ESPL1: variants seen among roughly 807,000 people sequenced by gnomAD.
The protein encoded by ESPL1 is extra spindle pole bodies like 1, separase, also known as separin.
A neutral mutation model predicts 217.2 loss-of-function variants in ESPL1; 50 were observed. That is an observed-to-expected ratio of 0.23 (90% CI 0.18 to 0.29). ESPL1 has a LOEUF of 0.29. ESPL1 is among the 10% of genes least tolerant of loss of function. The pLI is 1.00. For synonymous variants in ESPL1, 994 were observed against 1,081.3 expected, an observed-to-expected ratio of 0.92 and a Z score of 1.58; for missense variants, 1,834 against 2,603.0, an observed-to-expected ratio of 0.70 and a Z score of 6.43.
In ESPL1 at chr12:53,292,872, G is replaced by T; in HGVS notation, c.6063G>T (p.Arg2021=). Residue 2021 remains arginine, a synonymous_variant, in exon 30 of 31, where the codon CGG becomes CGT. Coordinates refer to ENST00000257934, the MANE Select transcript of ESPL1 (RefSeq NM_012291.5). The surrounding 1 kb of genome is among the most constrained non-coding windows in gnomAD (Gnocchi z 4.5). ...DGQAVLRLSC[R]AVALLFGCSS... is the part of the protein sequence containing the mutation. ...AGGCTGTCCTGCGGCTGAGCTGTCGGGCAGTGGCCCTGCTGTTTGGCTGTA... is the reference window on the plus strand; with the variant it reads ...AGGCTGTCCTGCGGCTGAGCTGTCGTGCAGTGGCCCTGCTGTTTGGCTGTA... 1 of 1,613,284 alleles carries T rather than the reference G, an allele frequency of 6.2e-7. No homozygotes were observed.
chr12:53,272,800 C>G lies in ESPL1; in HGVS notation c.1449C>G (p.Leu483=), dbSNP rs775845150. 7 of 1,614,036 alleles carry G rather than the reference C, an allele frequency of 4.3e-6. No homozygotes were observed. In the Admixed American group the frequency reaches 5.0e-5, roughly 12 times the overall value. The change falls in exon 6 of 31, where the codon CTC becomes CTG. Residue 483 remains leucine, a synonymous_variant. Coordinates refer to ENST00000257934, the MANE Select transcript of ESPL1 (RefSeq NM_012291.5). ...YAEACAISEP[L]CQHLGLVKPG... ...AGGCCTGTGCCATCTCTGAGCCGCT[C>G]TGTCAGCACCTGGGTTTGGTGAAGC...
At chr12:53,272,619 T>C (rs1236119244) in intron 5 of ESPL1, 102 bp from the exon 6 acceptor site, 3 of 1,376,088 alleles carry the variant, frequency 2.2e-6, no homozygotes, top group Non-Finnish European at 3.0e-6. Context: ...ATCTGGAAGC[T>C]GCTGAACTGA....
rs1293979491 is a variant in ESPL1 at position 53,293,375 on chromosome 12, C to T, written c.6264C>T (p.Pro2088=). The change falls in exon 31 of 31, where the codon CCC becomes CCT. Residue 2088 remains proline (P), a synonymous_variant. Coordinates refer to ENST00000257934, the MANE Select transcript of ESPL1 (RefSeq NM_012291.5). The surrounding 1 kb of genome is among the most constrained non-coding windows in gnomAD (Gnocchi z 4.2). The part of the protein sequence containing the change: ...QGWLGAGPGA[P]LLYYVNQARQ... ...GGCTTGGAGCAGGCCCAGGGGCCCC[C>T]CTTCTCTACTATGTAAACCAGGCCC... 6.2e-7 allele frequency: 1 copy of T among 1,614,188 alleles called. No homozygotes were observed.
chr12:53,273,836 G>GTTTTT lies in ESPL1; in HGVS notation c.1507-955_1507-951dup, dbSNP rs71096001. ...GAGAACCTGGGTTCTTGGTTTTTTGGTTTTTTTTTTTTTTTTTTTTTTTTT... is the reference window on the plus strand; with the variant it reads ...GAGAACCTGGGTTCTTGGTTTTTTGGTTTTTTTTTTTTTTTTTTTTTTTTTTTTTT... On this transcript the variant is annotated intron_variant, in intron 6 of 30. Transcript: ENST00000257934. 3.1e-3 allele frequency among the ~76,000 whole-genome samples: 194 copies of GTTTTT among 63,174 alleles called. 17 individuals carry two copies. The highest frequency in any genetic ancestry group is 0.013 in the African/African-American group (165 of 12,832). 41.4% of individuals were successfully genotyped at this position (63,174 alleles called of 152,430 possible).
At chr12:53,283,914 C>T (rs1943904230) in intron 16 of ESPL1, 144 bp from the exon 17 acceptor site, 3 of 681,372 alleles carry the variant, frequency 4.4e-6, no homozygotes, top group Non-Finnish European at 7.9e-6. Flanking sequence ...CCCCAGGGAG[C>T]CTTTAAGTCA....
intron 17 of ESPL1, among the ~76,000 whole-genome samples, chr12:53,284,877 T>C (rs2120956343): frequency 6.6e-6 from 1 of 151,534 alleles, no homozygotes; most frequent in South Asian, 2.1e-4. Context: ...CCAGGCATGG[T>C]GGCGGGCACC....
rs200205359 is a variant in ESPL1 at position 53,277,263 on chromosome 12, G to A, written c.2085+36G>A. On this transcript the variant is annotated intron_variant, in intron 9 of 30. Transcript: ENST00000257934. ...CTGCTGTGGGGCTCACCAGAACTGG[G>A]TGTAGGAATTACTGTCCCTGGGCCC... 3.4e-4 allele frequency: 543 copies of A among 1,588,778 alleles called. 6 individuals carry two copies. The South Asian group carries it at 5.8e-3, about 17-fold the overall frequency.
rs552998499 is a variant in ESPL1, at chr12:53,282,813, C to T, written c.2792-316C>T. Among the ~76,000 whole-genome samples the T allele has an allele frequency of 3.9e-5, 6 of 152,328 alleles. No individual in the cohort carries two copies. In the South Asian group the frequency reaches 1.2e-3, roughly 32 times the overall value. On this transcript the variant is annotated intron_variant, in intron 14 of 30. Transcript: ENST00000257934. The surrounding 1 kb of genome is among the most constrained non-coding windows in gnomAD (Gnocchi z 4.0). ...GGATTACTGGCATGCGCCACTACGC[C>T]CGACTAATTTTTGTATTATTAGTAG...
At chr12:53,268,883 T>C in intron 2 of ESPL1, 36 bp downstream of exon 2, 2 of 1,570,000 alleles carry the variant, frequency 1.3e-6, no homozygotes, top group Middle Eastern at 3.3e-4. Flanking sequence ...ACACCTGGCT[T>C]TCCAAACTGA....
intron 20 of ESPL1, 178 bp downstream of exon 20, chr12:53,288,877 T>C (rs1944004767): frequency 2.8e-6 from 2 of 718,174 alleles, no homozygotes; most frequent in Non-Finnish European, 4.7e-6. Flanking sequence ...TCCAAGCTTC[T>C]ATTCCTTCTG....
At position 53,269,116 on chromosome 12, in the gene ESPL1, C is replaced by T; in HGVS notation, c.174C>T (p.Asn58=). 6.2e-7 allele frequency: 1 copy of T among 1,614,136 alleles called. No homozygotes were observed. The highest frequency in any genetic ancestry group is 8.5e-7 in the Non-Finnish European group (1 of 1,180,012). ...QACDAILRAC[N]QQLTAKLACP... ...GTGATGCCATCCTGAGGGCTTGCAA[C>T]CAGCAGCTGACTGCTAAGCTAGCTT... is the stretch of plus-strand genomic sequence containing the variant. Residue 58 remains asparagine, a synonymous_variant, in exon 3 of 31, where the codon AAC becomes AAT. Coordinates refer to ENST00000257934, the MANE Select transcript of ESPL1 (RefSeq NM_012291.5). The surrounding 1 kb of genome is among the most constrained non-coding windows in gnomAD (Gnocchi z 6.7).
rs1057359378 is a variant in ESPL1 at position 53,282,182 on chromosome 12, G to A, written c.2620-82G>A. 3.0e-5 allele frequency: 36 copies of A among 1,180,712 alleles called. No homozygotes were observed. The highest frequency in any genetic ancestry group is 2.8e-4 in the South Asian group (22 of 77,958). 73.1% of individuals were successfully genotyped at this position (1,180,712 alleles called of 1,614,324 possible). On this transcript the variant is annotated intron_variant, in intron 13 of 30. Transcript: ENST00000257934. This position sits in a 1 kb window ranked among gnomAD's most constrained non-coding sequence, Gnocchi z 4.0. ...CTAATACCCAGGGCCTTCAGGGATGGGGCCACGTAATCTCCAGGGCCTCTC... is the reference window on the plus strand; with the variant it reads ...CTAATACCCAGGGCCTTCAGGGATGAGGCCACGTAATCTCCAGGGCCTCTC...
intron 26 of ESPL1, 26 bp from the exon 27 acceptor site, chr12:53,291,958 G>A: frequency 1.2e-6 from 2 of 1,611,140 alleles, no homozygotes; most frequent in Non-Finnish European, 1.7e-6. Flanking sequence ...GCTGGGGACA[G>A]TAACCTCTTA....
chr12:53,289,962 C>T (rs1166085161), intron 22 of ESPL1, 123 bp from the exon 23 acceptor site: 1 of 1,078,962 alleles, frequency 9.3e-7, no homozygotes, highest in African/African-American at 1.6e-5. Context: ...AGCACCTTGA[C>T]CTCTAGTGAC....
At chr12:53,272,440 T>C (rs1249454667) in intron 5 of ESPL1, among the ~76,000 whole-genome samples, 1 of 152,010 alleles carries the variant, frequency 6.6e-6, no homozygotes, top group South Asian at 2.1e-4. Flanking sequence ...TGTGGGTTCC[T>C]GGAAAAGAAC....
chr12:53,277,494 C>T lies in ESPL1; in HGVS notation c.2110C>T (p.Gln704Ter), dbSNP rs1943791086. Residue 704 changes from glutamine to a stop codon, truncating the protein, a stop_gained, in exon 10 of 31, where the codon CAG becomes TAG. Coordinates refer to ENST00000257934, the MANE Select transcript of ESPL1 (RefSeq NM_012291.5). LOFTEE classifies it high-confidence loss of function. ...GGGTATCGAGCGGGATCGGAGAGCC[C>T]AGGCCCCTGGTAACTTGGAGGAATT... Reference protein sequence around the residue: ...QEGIERDRRAQAPGNLEEFEV... With the variant: ...QEGIERDRRA 6.2e-7 allele frequency: 1 copy of T among 1,614,000 alleles called. No individual in the cohort carries two copies. Among genetic ancestry groups the T allele is most frequent in the African/African-American group, 1.3e-5 (1 of 74,922 alleles).
intron 24 of ESPL1, 149 bp downstream of exon 24, chr12:53,290,618 G>C: frequency 1.3e-6 from 1 of 782,138 alleles, no homozygotes; most frequent in Non-Finnish European, 2.0e-6. Context: ...ATGTCACCTG[G>C]GGAGAACTTC....
chr12:53,282,197 CA>C lies in ESPL1; in HGVS notation c.2620-66del. The C allele has an allele frequency of 1.4e-6, 2 of 1,398,760 alleles. No individual in the cohort carries two copies. The highest frequency in any genetic ancestry group is 2.0e-6 in the Non-Finnish European group (2 of 989,300). The allele number at this position is 1,398,760 out of a possible 1,614,324, so 86.6% of individuals were successfully genotyped here. On this transcript the variant is annotated intron_variant, in intron 13 of 30. Transcript: ENST00000257934. This position sits in a 1 kb window ranked among gnomAD's most constrained non-coding sequence, Gnocchi z 4.0. ...TTCAGGGATGGGGCCACGTAATCTC[CA>C]GGGCCTCTCAAGCTCTGGAGTGCCT...
chr12:53,292,365 G>C lies in ESPL1; in HGVS notation c.5884G>C (p.Glu1962Gln), dbSNP rs1344800096. 6.2e-7 allele frequency: 1 copy of C among 1,614,046 alleles called. No individual in the cohort carries two copies. Among genetic ancestry groups the C allele is most frequent in the East Asian group, 2.2e-5 (1 of 44,868 alleles). The change falls in exon 28 of 31, where the codon GAG (glutamate) becomes CAG (glutamine). Residue 1962 changes from glutamate (E) to glutamine (Q), a missense_variant. Coordinates refer to ENST00000257934, the MANE Select transcript of ESPL1 (RefSeq NM_012291.5). The surrounding 1 kb of genome is among the most constrained non-coding windows in gnomAD (Gnocchi z 4.5). ...CCCTCACAATAACCTGTCAAGCACA[G>C]AGGAGCAATTTCGAGCCAATTTCAG... Reference protein sequence around the residue: ...LNPHNNLSSTEEQFRANFSSE... With the variant: ...LNPHNNLSSTQEQFRANFSSE...
Sources: gnomAD v4.1 joint callset for allele counts (sites outside exome capture counted in the v4.1 genomes callset) on GRCh38, gnomAD v4.1.1 for gene constraint, Gnocchi (gnomAD v3.1) non-coding constraint, MANE v1.5 for transcripts, NCBI Gene and HGNC (gene_info 2026-07-23, HGNC 2026-07-21) for gene names.